The following FHIT variants were observed in gnomAD, a reference collection of about 807,000 sequenced individuals.
The protein encoded by FHIT is fragile histidine triad diadenosine triphosphatase.
In FHIT, 19 loss-of-function variants were observed where a neutral mutation model predicts 17.9. That is an observed-to-expected ratio of 1.06 (90% CI 0.74 to 1.56). The LOEUF (loss-of-function observed/expected upper bound fraction) is 1.56. Ranked by LOEUF, FHIT falls within the 40% of genes most tolerant of loss-of-function variation. The pLI, the probability that FHIT is intolerant of heterozygous loss-of-function variation, is 0.00. For missense variants in FHIT, 248 were observed against 189.2 expected, an observed-to-expected ratio of 1.31 and a Z score of -1.82; for synonymous variants, 81 against 69.7, an observed-to-expected ratio of 1.16 and a Z score of -0.81.
In FHIT at chr3:60,638,252, G is replaced by C. The variant is rs529720700; in HGVS notation, c.-17-101273C>G. 9.9e-5 allele frequency among the ~76,000 whole-genome samples: 15 copies of C among 152,260 alleles called. No individual in the cohort carries two copies. In the South Asian group the frequency reaches 3.1e-3, roughly 32 times the overall value. On this transcript the variant is annotated intron_variant, in intron 4 of 9. Coordinates refer to ENST00000492590, the MANE Select transcript of FHIT (RefSeq NM_002012.4). Reference sequence around the variant, plus strand: ...CATGGAGGGAACGTTTTTCCTCATAGAGGAATCACAGTTAATAAAAGCAGG... The same window carrying C: ...CATGGAGGGAACGTTTTTCCTCATACAGGAATCACAGTTAATAAAAGCAGG...
chr3:61,086,389 T>C (rs1437001430), intron 2 of FHIT, among the ~76,000 whole-genome samples: 1 of 152,200 alleles, frequency 6.6e-6, no homozygotes, highest in Non-Finnish European at 1.5e-5. Context: ...TTACCACTCA[T>C]ATCTATAATA....
intron 2 of FHIT, among the ~76,000 whole-genome samples, chr3:61,110,891 G>A (rs1467216908): frequency 1.3e-5 from 2 of 152,044 alleles, no homozygotes; most frequent in Non-Finnish European, 2.9e-5. Context: ...TTGCTCAGTG[G>A]CATTTAGGTT....
intron 1 of FHIT, among the ~76,000 whole-genome samples, chr3:61,202,023 C>CACATGTGTATATATATACCT: frequency 6.6e-6 from 1 of 151,682 alleles, no homozygotes; most frequent in East Asian, 1.9e-4. Context: ...AATATACATA[C>CACATGTGTATATATATACCT]ACATGTGTAT....
intron 4 of FHIT, among the ~76,000 whole-genome samples, chr3:60,720,234 C>G (rs2041779150): frequency 1.3e-5 from 2 of 152,104 alleles, no homozygotes; most frequent in Non-Finnish European, 2.9e-5. Context: ...AGTGCCTTCC[C>G]CTCAACTCTT....
At chr3:60,239,690 A>C (rs757305521) in intron 5 of FHIT, among the ~76,000 whole-genome samples, 30 of 152,204 alleles carry the variant, frequency 2.0e-4, no homozygotes, top group Non-Finnish European at 2.2e-4. Context: ...AAACACACAG[A>C]TTTAACTATA....
chr3:60,016,282 G>C (rs1473880080), intron 5 of FHIT, among the ~76,000 whole-genome samples: 4 of 152,184 alleles, frequency 2.6e-5, no homozygotes, highest in Non-Finnish European at 5.9e-5. Context: ...CTAGAGTATA[G>C]AGTTTTTTTA....
chr3:61,094,123 A>AGTATGT (rs1553836697), intron 2 of FHIT, among the ~76,000 whole-genome samples: 9 of 150,276 alleles, frequency 6.0e-5, no homozygotes, highest in African/African-American at 2.2e-4. Flanking sequence ...AATGCAACCA[A>AGTATGT]GTGTGTGTGT....
chr3:61,227,338 T>C (rs2039996064), intron 1 of FHIT, among the ~76,000 whole-genome samples: 3 of 152,204 alleles, frequency 2.0e-5, no homozygotes, highest in South Asian at 2.1e-4. Flanking sequence ...CTCTGTCCTA[T>C]CTTGCCACAT....
chr3:60,760,227 G>GT (rs1553719383), intron 4 of FHIT, among the ~76,000 whole-genome samples: 1 of 152,176 alleles, frequency 6.6e-6, no homozygotes. Flanking sequence ...GAAGCCAAGT[G>GT]TTTTTGTAGG....
chr3:60,090,500 G>T (rs940367284), intron 5 of FHIT, among the ~76,000 whole-genome samples: 4 of 152,096 alleles, frequency 2.6e-5, no homozygotes, highest in Non-Finnish European at 4.4e-5. Context: ...GTGATTGATG[G>T]GTAGAAAAAG....
At chr3:60,693,835 T>C (rs1258417732) in intron 4 of FHIT, among the ~76,000 whole-genome samples, 2 of 152,226 alleles carry the variant, frequency 1.3e-5, no homozygotes, top group African/African-American at 4.8e-5. Context: ...ATAAAAATAA[T>C]TTTATGCTTG....
intron 5 of FHIT, among the ~76,000 whole-genome samples, chr3:60,239,669 A>G (rs568439377): frequency 2.0e-5 from 3 of 152,292 alleles, no homozygotes; most frequent in African/African-American, 7.2e-5. Context: ...AAGTTTCCCT[A>G]AAGCATGGAA....
In FHIT at chr3:60,383,018, C is replaced by T. The variant is rs114113212; in HGVS notation, c.103+153842G>A. 6.3e-3 allele frequency among the ~76,000 whole-genome samples: 961 copies of T among 152,206 alleles called. 16 individuals carry two copies. Among genetic ancestry groups the T allele is most frequent in the African/African-American group, 0.022 (926 of 41,524 alleles). ...GTATTAATACTTTTGCATTTTCATTCACTAGGAAAAAACAAACTCTACTTA... is the reference window on the plus strand; with the variant it reads ...GTATTAATACTTTTGCATTTTCATTTACTAGGAAAAAACAAACTCTACTTA... On this transcript the variant is annotated intron_variant, in intron 5 of 9. Coordinates refer to ENST00000492590, the MANE Select transcript of FHIT (RefSeq NM_002012.4).
chr3:60,786,720 A>G (rs1415384259), intron 4 of FHIT, among the ~76,000 whole-genome samples: 1 of 152,196 alleles, frequency 6.6e-6, no homozygotes, highest in Non-Finnish European at 1.5e-5. Context: ...GAATAGGTAT[A>G]TGTCTTTTTC....
At chr3:60,280,917 G>A (rs1227583459) in intron 5 of FHIT, among the ~76,000 whole-genome samples, 5 of 109,874 alleles carry the variant, frequency 4.6e-5, no homozygotes, top group Admixed American at 4.0e-4. Flanking sequence ...CTCATGATAT[G>A]GCTGACTATG....
chr3:60,677,915 T>C (rs1553695819), intron 4 of FHIT, among the ~76,000 whole-genome samples: 1 of 152,210 alleles, frequency 6.6e-6, no homozygotes, highest in South Asian at 2.1e-4. Context: ...TTTACAAGAA[T>C]TTGTCAATTT....
At chr3:59,933,307 G>A (rs536698216) in intron 7 of FHIT, among the ~76,000 whole-genome samples, 8 of 151,954 alleles carry the variant, frequency 5.3e-5, no homozygotes, top group East Asian at 3.9e-4. Flanking sequence ...CTTTACTTAC[G>A]TATTTATAGT....
At chr3:59,805,001 G>C (rs1202607309) in intron 8 of FHIT, among the ~76,000 whole-genome samples, 1 of 152,170 alleles carries the variant, frequency 6.6e-6, no homozygotes. Context: ...GGCTTCAGGG[G>C]AGAGGGAGCT....
intron 5 of FHIT, among the ~76,000 whole-genome samples, chr3:60,439,388 T>C (rs1320795697): frequency 6.6e-6 from 1 of 152,152 alleles, no homozygotes; most frequent in Non-Finnish European, 1.5e-5. Context: ...AAGTCCTAAC[T>C]GATTTGAATA....
Sources: allele counts gnomAD v4.1 joint callset (sites outside exome capture counted in the v4.1 genomes callset), GRCh38; gene constraint gnomAD v4.1.1; transcripts MANE v1.5; gene names NCBI Gene and HGNC (gene_info 2026-07-23, HGNC 2026-07-21).